THSD4: variants seen among roughly 807,000 people sequenced by gnomAD.
THSD4 encodes the protein thrombospondin type 1 domain containing 4.
THSD4 carries 69 observed loss-of-function variants against 119.0 expected under a neutral mutation model. The ratio of observed to expected loss-of-function variants is 0.58; its 90% confidence interval spans 0.48 to 0.71. The LOEUF (loss-of-function observed/expected upper bound fraction) is 0.71, where lower values mean the gene tolerates loss of function less well. Ranked by LOEUF, THSD4 falls within the 30% of genes least tolerant of loss-of-function variation. The pLI is 0.00. For missense variants in THSD4, 1,393 were observed against 1,391.1 expected (o/e 1.00, Z -0.02); for synonymous variants, 524 against 540.4 (o/e 0.97, Z 0.42).
chr15:71,655,555 A>G (rs1223348540), intron 7 of THSD4, among the ~76,000 whole-genome samples: 4 of 152,224 alleles, frequency 2.6e-5, no homozygotes, highest in African/African-American at 9.6e-5. Flanking sequence ...AGAAGCCACC[A>G]TATTGCAGAA....
intron 7 of THSD4, among the ~76,000 whole-genome samples, chr15:71,601,863 A>T (rs1233264922): frequency 2.0e-5 from 3 of 152,256 alleles, no homozygotes; most frequent in Non-Finnish European, 4.4e-5. Context: ...CAGTATCTAG[A>T]ATAAACACAA....
chr15:71,349,237 T>C (rs1026277441), intron 6 of THSD4, among the ~76,000 whole-genome samples: 2 of 152,244 alleles, frequency 1.3e-5, no homozygotes, highest in Admixed American at 6.5e-5. Context: ...AAAGTAGATA[T>C]GTTGTATACA....
chr15:71,363,019 A>C (rs1051531386), intron 6 of THSD4, among the ~76,000 whole-genome samples: 4 of 152,068 alleles, frequency 2.6e-5, no homozygotes, highest in Non-Finnish European at 4.4e-5. Flanking sequence ...TAATGTTTTA[A>C]GAAAGCTCTT....
Position 71,185,238 on chromosome 15 carries a change from G to A in THSD4, c.100-29797G>A, listed in dbSNP as rs751541946. On this transcript the variant is annotated intron_variant, in intron 3 of 17. Coordinates refer to ENST00000261862, the MANE Select transcript of THSD4 (RefSeq NM_024817.3). ...ATAAGCCAAATATAAAGATCTTAGG[G>A]TGGAAAAAGAGTTATACCTAATTTA... Among the ~76,000 whole-genome samples, 7 of 151,726 alleles carry A rather than the reference G, an allele frequency of 4.6e-5. No homozygotes were observed. The South Asian group carries it at 6.3e-4, about 14-fold the overall frequency.
chr15:71,586,039 T>G (rs2049662896), intron 7 of THSD4, among the ~76,000 whole-genome samples: 1 of 152,208 alleles, frequency 6.6e-6, no homozygotes, highest in Non-Finnish European at 1.5e-5. Context: ...AGATGATTAT[T>G]TTGAATTCTT....
chr15:71,369,201 T>C (rs931431650), intron 6 of THSD4, among the ~76,000 whole-genome samples: 1 of 152,244 alleles, frequency 6.6e-6, no homozygotes, highest in African/African-American at 2.4e-5. Flanking sequence ...TGGGGTTTTC[T>C]AAATATACAA....
At chr15:71,451,036 G>C (rs1485373963) in intron 7 of THSD4, among the ~76,000 whole-genome samples, 2 of 152,164 alleles carry the variant, frequency 1.3e-5, no homozygotes, top group Non-Finnish European at 2.9e-5. Context: ...AGATTGGCCA[G>C]ACATGGTGGC....
At chr15:71,359,752 G>C (rs1470036329) in intron 6 of THSD4, among the ~76,000 whole-genome samples, 1 of 152,308 alleles carries the variant, frequency 6.6e-6, no homozygotes, top group African/African-American at 2.4e-5. Flanking sequence ...AGAGGTTGCA[G>C]TGAGCCAAGA....
Position 71,294,930 on chromosome 15 carries a change from A to G in THSD4, c.1015+38215A>G, listed in dbSNP as rs28406934. On this transcript the variant is annotated intron_variant, in intron 6 of 17. Coordinates refer to ENST00000261862, the MANE Select transcript of THSD4 (RefSeq NM_024817.3). ...CTGCAGTTCTCACAGCTGTAAAAAA[A>G]AAAAAAAAAAATACAGTCTTGTTTC... is the stretch of plus-strand genomic sequence containing the variant. Among the ~76,000 whole-genome samples, 119 of 149,212 alleles carry G rather than the reference A, an allele frequency of 8.0e-4. 1 individual carries two copies. The highest frequency in any genetic ancestry group is 3.0e-3 in the African/African-American group (116 of 39,258).
In THSD4 at chr15:71,298,894, T is replaced by C. The variant is rs571788748; in HGVS notation, c.1015+42179T>C. Among the ~76,000 whole-genome samples, 330 of 152,350 alleles carry C rather than the reference T, an allele frequency of 2.2e-3. 2 individuals are homozygous for C. Among genetic ancestry groups the C allele is most frequent in the Non-Finnish European group, 1.7e-3 (113 of 68,040 alleles). The stretch of plus-strand genomic sequence containing the variant: ...TCCCAAAGTGCCAGGATTACAGGCG[T>C]GAGCCGTGCACACAGCCCAGTGCTG... On this transcript the variant is annotated intron_variant, in intron 6 of 17. Transcript: ENST00000261862.
intron 7 of THSD4, among the ~76,000 whole-genome samples, chr15:71,600,446 T>C (rs1050264173): frequency 3.3e-5 from 5 of 152,256 alleles, no homozygotes; most frequent in Admixed American, 6.5e-5. Flanking sequence ...GAAGAATCTG[T>C]GTCTGAATCA....
At chr15:71,577,940 CT>C (rs2049485034) in intron 7 of THSD4, among the ~76,000 whole-genome samples, 1 of 150,712 alleles carries the variant, frequency 6.6e-6, no homozygotes, top group Non-Finnish European at 1.5e-5. Flanking sequence ...CCAGGCTGGG[CT>C]CAAACTCCTG....
intron 6 of THSD4, among the ~76,000 whole-genome samples, chr15:71,400,885 C>T (rs900640820): frequency 5.3e-5 from 8 of 151,850 alleles, no homozygotes; most frequent in African/African-American, 1.9e-4. Context: ...CAGTGCTCAA[C>T]TTGGAGTGAA....
rs776401272 is a variant in THSD4, at chr15:71,215,218, G to T, written c.283G>T (p.Ala95Ser). ...YRLRGGQRPG[A>S]PARAFADHVV... is the part of the protein sequence containing the mutation. Reference sequence around the variant, plus strand: ...CCTGCGCGGCGGCCAGCGGCCTGGCGCCCCTGCGCGCGCCTTCGCGGACCA... The same window carrying T: ...CCTGCGCGGCGGCCAGCGGCCTGGCTCCCCTGCGCGCGCCTTCGCGGACCA... Residue 95 changes from alanine to serine, a missense_variant, in exon 4 of 18, where the codon GCC becomes TCC. Transcript: ENST00000261862. 1.5e-6 allele frequency: 2 copies of T among 1,378,858 alleles called. No homozygotes were observed. The highest frequency in any genetic ancestry group is 1.9e-6 in the Non-Finnish European group (2 of 1,071,540). 85.4% of individuals were successfully genotyped at this position (1,378,858 alleles called of 1,614,324 possible).
At chr15:71,112,367 T>A, upstream of THSD4, 1 of 882,022 alleles carries the variant, frequency 1.1e-6, no homozygotes. Flanking sequence ...AGGTGTAAGC[T>A]AGAGCTGTCT....
intron 7 of THSD4, among the ~76,000 whole-genome samples, chr15:71,636,019 T>C (rs2050732011): frequency 1.3e-5 from 2 of 152,204 alleles, no homozygotes; most frequent in African/African-American, 4.8e-5. Flanking sequence ...CCCTTTGTTA[T>C]CCTGGTACAG....
At chr15:71,723,359 A>G (rs750711803) in intron 8 of THSD4, among the ~76,000 whole-genome samples, 4 of 152,204 alleles carry the variant, frequency 2.6e-5, no homozygotes, top group African/African-American at 4.8e-5. Context: ...GATGGTCAGG[A>G]TGATCCCATT....
At chr15:71,112,202 T>C (rs1567128400), upstream of THSD4, 1 of 1,613,592 alleles carries the variant, frequency 6.2e-7, no homozygotes, top group African/African-American at 1.3e-5. Flanking sequence ...GGCTGAATGT[T>C]CTGTGGGTGT....
chr15:71,534,498 C>G (rs145579006), intron 7 of THSD4, among the ~76,000 whole-genome samples: 12 of 152,200 alleles, frequency 7.9e-5, no homozygotes, highest in African/African-American at 2.9e-4. Flanking sequence ...CATGGTCATT[C>G]CCATTTTTAT....
Sources: gnomAD v4.1 joint callset for allele counts (sites outside exome capture counted in the v4.1 genomes callset) on GRCh38, gnomAD v4.1.1 for gene constraint, MANE v1.5 for transcripts, NCBI Gene and HGNC (gene_info 2026-07-23, HGNC 2026-07-21) for gene names.